The following ZNF600 variants were observed in gnomAD, a reference collection of about 807,000 sequenced individuals.
The protein encoded by ZNF600 is zinc finger protein 600, also known as zinc finger protein KR-ZNF1.
ZNF600 carries 4 observed loss-of-function variants against 7.3 expected under a neutral mutation model. The observed-to-expected ratio is 0.55, with a 90% CI of 0.27 to 1.25. ZNF600 has a LOEUF of 1.25. ZNF600 is among the 50% of genes most tolerant of loss of function. The probability of loss-of-function intolerance (pLI) is 0.12; values close to 1 mark genes in which losing one functional copy is unlikely to be tolerated. For missense variants in ZNF600, 911 were observed against 922.1 expected (o/e 0.99, Z 0.16); for synonymous variants, 290 against 308.9 (o/e 0.94, Z 0.64).
At chr19:52,832,567 C>T in the ZNF600 span, among the ~76,000 whole-genome samples, 6,933 of 152,028 alleles carry the variant, frequency 0.046, 220 homozygotes, top group South Asian at 0.081. Context: ...TGCACTCCAG[C>T]TTGGGCAATA....
At chr19:52,809,465 G>A in the ZNF600 span, among the ~76,000 whole-genome samples, 16 of 152,276 alleles carry the variant, frequency 1.1e-4, no homozygotes, top group African/African-American at 3.4e-4. Flanking sequence ...AATAGACACT[G>A]GCGTCTACTT....
chr19:52,783,248 A>G (rs892825231), intron 1 of ZNF600, among the ~76,000 whole-genome samples: 3 of 152,212 alleles, frequency 2.0e-5, no homozygotes, highest in African/African-American at 7.2e-5. Context: ...TTGTTACATT[A>G]TAAACAGAGA....
At chr19:52,787,623 C>T (rs1011374054), upstream of ZNF600, among the ~76,000 whole-genome samples, 2 of 151,412 alleles carry the variant, frequency 1.3e-5, no homozygotes, top group African/African-American at 4.8e-5. Context: ...CTTTGGGAGG[C>T]TGAGGCGGGC....
chr19:52,774,614 C>T (rs1273259580), exon 3 of ZNF600: 6 of 985,252 alleles, frequency 6.1e-6, no homozygotes, highest in African/African-American at 1.7e-5. Context: ...AACATCACTT[C>T]CCTGTACAAA....
the ZNF600 span, among the ~76,000 whole-genome samples, chr19:52,826,829 G>T: frequency 6.6e-6 from 1 of 152,114 alleles, no homozygotes; most frequent in East Asian, 1.9e-4. Flanking sequence ...TGAGCTGACA[G>T]ATATTGTGCC....
rs114448282 is a variant in ZNF600 at position 52,779,086 on chromosome 19, C to T, written c.-19-179G>A. On this transcript the variant is annotated intron_variant, in intron 1 of 3. Transcript: ENST00000648973. ...GACGACCTATAAGTGTGTTTGACCC[C>T]GGTCTTCAGATCTCACTCCCCTCCT... is the stretch of plus-strand genomic sequence containing the variant. Among the ~76,000 whole-genome samples the T allele has an allele frequency of 3.3e-3, 507 of 152,240 alleles. 3 individuals are homozygous for T. Among genetic ancestry groups the T allele is most frequent in the African/African-American group, 0.012 (490 of 41,556 alleles).
At chr19:52,817,481 A>G in the ZNF600 span, among the ~76,000 whole-genome samples, 2 of 152,318 alleles carry the variant, frequency 1.3e-5, no homozygotes, top group Middle Eastern at 3.4e-3. Flanking sequence ...GAACTCACTC[A>G]ATTACCTAAA....
chr19:52,802,853 C>G, the ZNF600 span, among the ~76,000 whole-genome samples: 1 of 150,116 alleles, frequency 6.7e-6, no homozygotes, highest in Non-Finnish European at 1.5e-5. Flanking sequence ...CTCCACCTCC[C>G]GGGTTCACGC....
chr19:52,790,147 T>C (rs1159788892), upstream of ZNF600, among the ~76,000 whole-genome samples: 1 of 152,186 alleles, frequency 6.6e-6, no homozygotes, highest in South Asian at 2.1e-4. Flanking sequence ...ATTCTTTAGT[T>C]ACTTCAGGCC....
upstream of ZNF600, among the ~76,000 whole-genome samples, chr19:52,789,391 TC>T (rs1329717325): frequency 3.3e-5 from 5 of 152,322 alleles, no homozygotes; most frequent in East Asian, 9.7e-4. Context: ...ACATCTCAAC[TC>T]AAAAGAATTT....
At chr19:52,811,660 C>A in the ZNF600 span, among the ~76,000 whole-genome samples, 1 of 139,134 alleles carries the variant, frequency 7.2e-6, no homozygotes, top group Non-Finnish European at 1.6e-5. Context: ...GCCTGGCAAC[C>A]GCCCCGTCTG....
chr19:52,770,757 T>G (rs112798250), intron 3 of ZNF600, among the ~76,000 whole-genome samples: 9 of 152,156 alleles, frequency 5.9e-5, no homozygotes, highest in African/African-American at 2.2e-4. Flanking sequence ...GTTCCTGCAG[T>G]TGGGGTCTTT....
chr19:52,832,246 G>A, the ZNF600 span, among the ~76,000 whole-genome samples: 2 of 152,052 alleles, frequency 1.3e-5, no homozygotes, highest in African/African-American at 4.8e-5. Flanking sequence ...ATGTGATAAA[G>A]CATCCTGTAC....
rs770727145 is a variant in ZNF600 at position 52,766,633 on chromosome 19, A to G, written c.1330T>C (p.Cys444Arg). Residue 444 changes from cysteine (C) to arginine (R), a missense_variant, in exon 4 of 4, where the codon TGC (cysteine) becomes CGC (arginine). Cys to Arg is a radical substitution (Grantham distance 180). Coordinates refer to ENST00000648973, the Ensembl canonical transcript of ZNF600. ...TCTCCACCATGAAGTCTATGATGGC[A>G]TACAAGGGATGACTTGTGACTGAAG... 3 of 1,613,926 alleles carry G rather than the reference A, an allele frequency of 1.9e-6. No homozygotes were observed. The highest frequency in any genetic ancestry group is 1.7e-6 in the Non-Finnish European group (2 of 1,179,938).
At chr19:52,825,344 G>T in the ZNF600 span, among the ~76,000 whole-genome samples, 2 of 152,074 alleles carry the variant, frequency 1.3e-5, no homozygotes, top group African/African-American at 4.8e-5. Context: ...TGAAAACATG[G>T]AATATTTTAA....
At chr19:52,831,592 T>C in the ZNF600 span, among the ~76,000 whole-genome samples, 1 of 151,726 alleles carries the variant, frequency 6.6e-6, no homozygotes, top group Non-Finnish European at 1.5e-5. Context: ...AAGCTCCACC[T>C]CCCAGATTCA....
exon 4 of ZNF600, chr19:52,765,057 T>C (rs187893303): frequency 9.0e-5 from 30 of 334,848 alleles, no homozygotes; most frequent in African/African-American, 6.3e-4. Flanking sequence ...ACATAAACAC[T>C]TGAATGTCAA....
At chr19:52,799,983 G>A in the ZNF600 span, 10 of 1,609,032 alleles carry the variant, frequency 6.2e-6, no homozygotes, top group Admixed American at 1.0e-4. Context: ...GATTATAAGC[G>A]ATGATGTCTG....
chr19:52,818,710 A>C, the ZNF600 span, among the ~76,000 whole-genome samples: 1 of 21,536 alleles, frequency 4.6e-5, no homozygotes, highest in Admixed American at 3.9e-4. Flanking sequence ...CAAAAATAAA[A>C]AAATACAAAT....
Sources: allele counts gnomAD v4.1 joint callset (sites outside exome capture counted in the v4.1 genomes callset), GRCh38; gene constraint gnomAD v4.1.1; transcripts MANE v1.5; gene names NCBI Gene and HGNC (gene_info 2026-07-23, HGNC 2026-07-21).